The following ITPK1 variants were observed in gnomAD, a reference collection of about 807,000 sequenced individuals.
ITPK1 encodes inositol-tetrakisphosphate 1-kinase.
Under a neutral mutation model 45.3 loss-of-function variants are expected in ITPK1, and 21 were observed. That is an observed-to-expected ratio of 0.46 (90% confidence interval 0.33 to 0.67). The LOEUF (loss-of-function observed/expected upper bound fraction) is 0.67, where lower values mean the gene tolerates loss of function less well. Among genes scored for constraint, ITPK1 ranks in the 30% least tolerant of loss-of-function variants. The pLI is 0.02. For missense variants in ITPK1, 474 were observed against 573.5 expected (o/e 0.83, Z 1.77); for synonymous variants, 258 against 253.6 (o/e 1.02, Z -0.16).
intron 3 of ITPK1, among the ~76,000 whole-genome samples, chr14:93,041,770 C>T (rs973429108): frequency 1.3e-5 from 2 of 152,198 alleles, no homozygotes; most frequent in African/African-American, 4.8e-5. Flanking sequence ...GTCCTGTGCT[C>T]GCACCCAGCA....
chr14:92,969,968 C>A (rs545791454), intron 5 of ITPK1, among the ~76,000 whole-genome samples: 2 of 152,134 alleles, frequency 1.3e-5, no homozygotes. Flanking sequence ...CAGGCTTCCA[C>A]AAGTCCAGAA....
chr14:92,970,227 C>T (rs776129634), intron 5 of ITPK1, among the ~76,000 whole-genome samples: 55 of 152,208 alleles, frequency 3.6e-4, no homozygotes, highest in African/African-American at 1.1e-3. Flanking sequence ...GCCAGCCCGA[C>T]GCTGGACCTG....
rs1338264773 is a variant in ITPK1 at position 93,107,371 on chromosome 14, G to A, written c.95+7698C>T. On this transcript the variant is annotated intron_variant, in intron 2 of 10. Coordinates refer to ENST00000267615, the MANE Select transcript of ITPK1 (RefSeq NM_014216.6). ...CATAGAACCAACTACTTAAAAACAA[G>A]ACAGACTTAAAATAAGCAGGACAAT... 2.6e-4 allele frequency among the ~76,000 whole-genome samples: 39 copies of A among 152,184 alleles called. 1 individual carries two copies.
At chr14:93,110,724 T>C (rs114736603) in intron 2 of ITPK1, among the ~76,000 whole-genome samples, 1,738 of 152,298 alleles carry the variant, frequency 0.011, 49 homozygotes, top group African/African-American at 0.04. Context: ...CCTGGTGGGA[T>C]ACCAAGGTCT....
chr14:93,019,815 G>A (rs984522282), intron 3 of ITPK1, among the ~76,000 whole-genome samples: 9 of 152,176 alleles, frequency 5.9e-5, no homozygotes, highest in South Asian at 2.1e-4. Context: ...GGGGATGCCC[G>A]GGGGGAAGGA....
intron 8 of ITPK1, among the ~76,000 whole-genome samples, chr14:92,954,887 C>G (rs1884612266): frequency 6.6e-6 from 1 of 152,190 alleles, no homozygotes; most frequent in African/African-American, 2.4e-5. Context: ...TCCCCTCACC[C>G]AGTGGTATCC....
intron 3 of ITPK1, chr14:93,070,419 C>T (rs2139971426): frequency 6.6e-6 from 1 of 152,362 alleles, no homozygotes; most frequent in East Asian, 1.9e-4. Context: ...GGCCTTCTGC[C>T]TGGCCCACAG....
chr14:93,088,330 G>GTTTT (rs1891727668), intron 2 of ITPK1, among the ~76,000 whole-genome samples: 5 of 132,844 alleles, frequency 3.8e-5, no homozygotes, highest in African/African-American at 1.7e-4. Context: ...TTTCTTTTTT[G>GTTTT]GTTTTGTTTT....
chr14:93,021,033 C>T (rs1212504455), intron 3 of ITPK1, among the ~76,000 whole-genome samples: 2 of 152,122 alleles, frequency 1.3e-5, no homozygotes, highest in East Asian at 3.9e-4. Flanking sequence ...CAATAAATGT[C>T]AGCTATTGTA....
At chr14:93,007,253 C>T (rs1158634671) in intron 4 of ITPK1, among the ~76,000 whole-genome samples, 3 of 152,204 alleles carry the variant, frequency 2.0e-5, no homozygotes, top group African/African-American at 7.2e-5. Context: ...CTCAGGTGGG[C>T]CTATGCAGCT....
chr14:93,089,511 T>A (rs569373862), intron 2 of ITPK1, among the ~76,000 whole-genome samples: 15 of 152,174 alleles, frequency 9.9e-5, no homozygotes, highest in African/African-American at 3.4e-4. Flanking sequence ...AGATGCCAGA[T>A]GCCCACAGGC....
chr14:92,938,820 C>G lies in ITPK1; in HGVS notation c.*2741G>C. The G allele has an allele frequency of 1.8e-6, 1 of 555,384 alleles. No individual in the cohort carries two copies. Among genetic ancestry groups the G allele is most frequent in the Admixed American group, 3.2e-5 (1 of 31,332 alleles). 34.4% of individuals were successfully genotyped at this position (555,384 alleles called of 1,614,324 possible). ...TTGGGGGGTTATGTTTGCAGAATCACATCACCATATAATCAAAGCACTGTC... is the reference window on the plus strand; with the variant it reads ...TTGGGGGGTTATGTTTGCAGAATCAGATCACCATATAATCAAAGCACTGTC... On this transcript the variant is annotated 3_prime_UTR_variant, in exon 11 of 11. Coordinates refer to ENST00000267615, the MANE Select transcript of ITPK1 (RefSeq NM_014216.6).
chr14:93,040,528 C>T (rs1015662119), intron 3 of ITPK1, among the ~76,000 whole-genome samples: 2 of 152,210 alleles, frequency 1.3e-5, no homozygotes, highest in Non-Finnish European at 2.9e-5. Flanking sequence ...TGCCCAGGCA[C>T]CCTGCAGACA....
chr14:92,938,751 C>A lies in ITPK1; in HGVS notation c.*2810G>T, dbSNP rs1887222582. The stretch of plus-strand genomic sequence containing the variant: ...CAAAGCACCAGTTCCAGGGTGGCCT[C>A]CCCTTGGCTCTTGGGGTGGGGACAC... On this transcript the variant is annotated 3_prime_UTR_variant, in exon 11 of 11. Coordinates refer to ENST00000267615, the MANE Select transcript of ITPK1 (RefSeq NM_014216.6). The A allele has an allele frequency of 3.4e-6, 2 of 595,062 alleles. No individual in the cohort carries two copies. The highest frequency in any genetic ancestry group is 6.0e-6 in the Non-Finnish European group (2 of 334,864). 36.9% of individuals were successfully genotyped at this position (595,062 alleles called of 1,614,324 possible).
chr14:93,071,141 GT>G (rs1890983999), intron 3 of ITPK1: 1 of 154,142 alleles, frequency 6.5e-6, no homozygotes, highest in Non-Finnish European at 1.5e-5. Context: ...AGCTACCTGG[GT>G]CCTGGCTCCC....
At chr14:93,064,784 T>C (rs1027843343) in intron 3 of ITPK1, among the ~76,000 whole-genome samples, 12 of 152,194 alleles carry the variant, frequency 7.9e-5, no homozygotes, top group Non-Finnish European at 1.8e-4. Flanking sequence ...GCCTACCATT[T>C]GTGCAGAACA....
At chr14:92,988,027 T>TCCC (rs1396974082) in intron 5 of ITPK1, among the ~76,000 whole-genome samples, 3 of 152,154 alleles carry the variant, frequency 2.0e-5, no homozygotes, top group Non-Finnish European at 2.9e-5. Context: ...CTGCGGAGCC[T>TCCC]CCCCTGCACT....
At chr14:92,995,700 C>G (rs553080609) in intron 4 of ITPK1, among the ~76,000 whole-genome samples, 26 of 152,344 alleles carry the variant, frequency 1.7e-4, no homozygotes, top group African/African-American at 5.5e-4. Context: ...GGGGCAGAAC[C>G]CTCCAGCCGT....
intron 9 of ITPK1, among the ~76,000 whole-genome samples, chr14:92,950,173 C>G (rs1566689785): frequency 6.6e-6 from 1 of 152,258 alleles, no homozygotes; most frequent in Non-Finnish European, 1.5e-5. Context: ...TGGGGCCCTC[C>G]AAGTTCGGTG....
Sources: allele counts gnomAD v4.1 joint callset (sites outside exome capture counted in the v4.1 genomes callset), GRCh38; gene constraint gnomAD v4.1.1; transcripts MANE v1.5; gene names NCBI Gene and HGNC (gene_info 2026-07-23, HGNC 2026-07-21).